Variants in LDLRAD3 observed in about 807,000 individuals in gnomAD.
LDLRAD3 encodes low-density lipoprotein receptor class A domain-containing protein 3.
A neutral mutation model predicts 29.4 loss-of-function variants in LDLRAD3; 20 were observed. That is an observed-to-expected ratio of 0.68 (90% CI 0.48 to 0.99). The LOEUF (loss-of-function observed/expected upper bound fraction) is 0.99, where lower values mean the gene tolerates loss of function less well. LDLRAD3 is among the 50% of genes least tolerant of loss of function. The pLI is 0.00. For missense variants in LDLRAD3, 420 were observed against 454.3 expected (o/e 0.92, Z 0.69); for synonymous variants, 157 against 192.7 (o/e 0.81, Z 1.53).
intron 4 of LDLRAD3, among the ~76,000 whole-genome samples, chr11:36,192,247 C>T (rs547585080): frequency 2.6e-5 from 4 of 152,312 alleles, no homozygotes; most frequent in South Asian, 2.1e-4. Context: ...GCACTTTAAA[C>T]GTGAGCTATC....
At chr11:35,949,685 T>C (rs570525523) in intron 1 of LDLRAD3, among the ~76,000 whole-genome samples, 2 of 152,334 alleles carry the variant, frequency 1.3e-5, no homozygotes, top group South Asian at 4.1e-4. Context: ...TAAGACACTT[T>C]TCCTTCCAGC....
chr11:36,207,034 A>C (rs1374782179), intron 4 of LDLRAD3, among the ~76,000 whole-genome samples: 3 of 152,028 alleles, frequency 2.0e-5, no homozygotes, highest in Non-Finnish European at 2.9e-5. Context: ...CCCTGATTCT[A>C]CTTTTTGTAC....
intron 4 of LDLRAD3, among the ~76,000 whole-genome samples, chr11:36,118,730 A>T (rs1467089405): frequency 6.6e-6 from 1 of 152,100 alleles, no homozygotes; most frequent in African/African-American, 2.4e-5. Context: ...TAAAGCACAC[A>T]ATTCAATGTG....
At chr11:35,967,747 G>A (rs1185517009) in intron 1 of LDLRAD3, 1 of 475,068 alleles carries the variant, frequency 2.1e-6, no homozygotes, top group Non-Finnish European at 4.3e-6. Flanking sequence ...TCTGTAGAAG[G>A]ATGTCCTTGA....
At chr11:36,076,406 G>C (rs1324882829) in intron 2 of LDLRAD3, among the ~76,000 whole-genome samples, 1 of 137,258 alleles carries the variant, frequency 7.3e-6, no homozygotes, top group Non-Finnish European at 1.6e-5. Context: ...TTTTTTTTTT[G>C]AGATGAGTCT....
chr11:36,143,198 A>G (rs923664863), intron 4 of LDLRAD3, among the ~76,000 whole-genome samples: 9 of 152,128 alleles, frequency 5.9e-5, no homozygotes, highest in Admixed American at 6.5e-5. Flanking sequence ...TCTGAACCCA[A>G]TTCTGTCTGT....
rs867727971 is a variant in LDLRAD3, at chr11:36,137,738, A to G, written c.454+39277A>G. On this transcript the variant is annotated intron_variant, in intron 4 of 5. Transcript: ENST00000315571. The stretch of plus-strand genomic sequence containing the variant: ...CTAATTAGCAAGCCTTATATTTTGA[A>G]TAGATAAATAGTAATTCCACCACAT... 1.4e-4 allele frequency among the ~76,000 whole-genome samples: 21 copies of G among 152,334 alleles called. No individual in the cohort carries two copies. The Middle Eastern group carries it at 0.017, about 123-fold the overall frequency.
intron 4 of LDLRAD3, among the ~76,000 whole-genome samples, chr11:36,103,236 CT>C (rs3082245): frequency 0.15 from 18,602 of 123,616 alleles, 1,202 homozygotes; most frequent in Admixed American, 0.24. Context: ...AGTATTTAAT[CT>C]TTTTTTTTTT....
At chr11:36,051,985 C>T (rs1331408436) in intron 2 of LDLRAD3, among the ~76,000 whole-genome samples, 4 of 152,070 alleles carry the variant, frequency 2.6e-5, no homozygotes, top group African/African-American at 9.7e-5. Flanking sequence ...TTCTTAGAAA[C>T]AGAGTGGAGC....
At chr11:36,183,133 A>G (rs1454140268) in intron 4 of LDLRAD3, among the ~76,000 whole-genome samples, 1 of 152,132 alleles carries the variant, frequency 6.6e-6, no homozygotes, top group African/African-American at 2.4e-5. Context: ...AGACGGTGGG[A>G]TGGTGGGAAG....
At chr11:36,001,578 T>A (rs1851825080) in intron 1 of LDLRAD3, among the ~76,000 whole-genome samples, 1 of 152,204 alleles carries the variant, frequency 6.6e-6, no homozygotes, top group African/African-American at 2.4e-5. Flanking sequence ...TGTTTGGCAG[T>A]TTGTTTCTGT....
At chr11:36,085,277 A>G (rs1415713028) in intron 3 of LDLRAD3, among the ~76,000 whole-genome samples, 4 of 151,666 alleles carry the variant, frequency 2.6e-5, no homozygotes, top group Non-Finnish European at 5.9e-5. Context: ...CGATTTCTGG[A>G]GAGAAATTTA....
At chr11:36,218,357 A>G (rs1050525623) in intron 4 of LDLRAD3, among the ~76,000 whole-genome samples, 1 of 152,204 alleles carries the variant, frequency 6.6e-6, no homozygotes, top group African/African-American at 2.4e-5. Context: ...CGACAGGCCA[A>G]ACAGGGTGAT....
intron 4 of LDLRAD3, among the ~76,000 whole-genome samples, chr11:36,135,262 A>T (rs1590296539): frequency 6.6e-6 from 1 of 152,306 alleles, no homozygotes; most frequent in South Asian, 2.1e-4. Flanking sequence ...AATGTCTGGG[A>T]AAAGTCGTGC....
At chr11:36,045,691 G>C (rs898326693) in intron 2 of LDLRAD3, among the ~76,000 whole-genome samples, 1 of 150,108 alleles carries the variant, frequency 6.7e-6, no homozygotes, top group Non-Finnish European at 1.5e-5. Flanking sequence ...CTGTTCTCAT[G>C]ATAGTGAATA....
chr11:36,036,151 C>T lies in LDLRAD3; in HGVS notation c.95C>T (p.Pro32Leu), dbSNP rs1190616549. 6.2e-7 allele frequency: 1 copy of T among 1,614,130 alleles called. No homozygotes were observed. The highest frequency in any genetic ancestry group is 1.7e-5 in the Admixed American group (1 of 60,026). ...AACTTCACCAATGAGTGCAACATAC[C>T]AGGCAACTTCATGTGCAGCAATGGA... ...GNNFTNECNI[P>L]GNFMCSNGRC... The change falls in exon 2 of 6, where the codon CCA (proline) becomes CTA (leucine). Residue 32 changes from proline (P) to leucine (L), a missense_variant. Pro to Leu is a moderately conservative substitution (Grantham distance 98). Coordinates refer to ENST00000315571, the MANE Select transcript of LDLRAD3 (RefSeq NM_174902.4).
chr11:35,975,573 T>C (rs1377027858), intron 1 of LDLRAD3, among the ~76,000 whole-genome samples: 1 of 152,224 alleles, frequency 6.6e-6, no homozygotes, highest in African/African-American at 2.4e-5. Context: ...CCAAAAGTCA[T>C]TATAGATTGA....
At chr11:36,126,299 C>T (rs1853836390) in intron 4 of LDLRAD3, among the ~76,000 whole-genome samples, 1 of 152,158 alleles carries the variant, frequency 6.6e-6, no homozygotes, top group Non-Finnish European at 1.5e-5. Context: ...TGAATCTGCT[C>T]ATCAGGCACC....
chr11:36,173,787 C>T (rs1330789791), intron 4 of LDLRAD3, among the ~76,000 whole-genome samples: 1 of 152,040 alleles, frequency 6.6e-6, no homozygotes, highest in Non-Finnish European at 1.5e-5. Context: ...GCCATACTGC[C>T]CAAGGTAATT....
Sources: gnomAD v4.1 joint callset for allele counts (sites outside exome capture counted in the v4.1 genomes callset) on GRCh38, gnomAD v4.1.1 for gene constraint, MANE v1.5 for transcripts, NCBI Gene and HGNC (gene_info 2026-07-23, HGNC 2026-07-21) for gene names.